Variants in CDKAL1 observed in about 807,000 individuals in gnomAD.
The protein encoded by CDKAL1 is threonylcarbamoyladenosine tRNA methylthiotransferase.
CDKAL1 carries 32 observed loss-of-function variants against 68.2 expected under a neutral mutation model. The observed-to-expected ratio is 0.47, with a 90% CI of 0.35 to 0.63. CDKAL1 has a LOEUF of 0.63. Among genes scored for constraint, CDKAL1 ranks in the 30% least tolerant of loss-of-function variants. CDKAL1 has a pLI of 0.00. For synonymous variants in CDKAL1, 234 were observed against 244.3 expected, an observed-to-expected ratio of 0.96 and a Z score of 0.39; for missense variants, 606 against 696.7, an observed-to-expected ratio of 0.87 and a Z score of 1.47.
intron 9 of CDKAL1, among the ~76,000 whole-genome samples, chr6:20,896,788 G>A (rs1561866232): frequency 6.6e-6 from 1 of 152,196 alleles, no homozygotes; most frequent in Non-Finnish European, 1.5e-5. Flanking sequence ...AGGGATCACC[G>A]AGATGAAAGC....
chr6:21,232,018 T>G lies in CDKAL1; in HGVS notation c.*979T>G, dbSNP rs1462666968. On this transcript the variant is annotated 3_prime_UTR_variant, in exon 16 of 16. Transcript: ENST00000274695. ...TTTTTTTTTTGTTTTTGTTTTTTTT[T>G]TTTTTTGAGTCAAGGTCTCACTCTG... is the stretch of plus-strand genomic sequence containing the variant. 1 of 148,636 alleles carries G rather than the reference T, an allele frequency of 6.7e-6. No individual in the cohort carries two copies. Among genetic ancestry groups the G allele is most frequent in the Non-Finnish European group, 1.5e-5 (1 of 67,104 alleles). 9.2% of individuals were successfully genotyped at this position (148,636 alleles called of 1,614,324 possible).
chr6:21,001,003 A>C (rs1054802793), intron 11 of CDKAL1, among the ~76,000 whole-genome samples: 1 of 152,256 alleles, frequency 6.6e-6, no homozygotes, highest in African/African-American at 2.4e-5. Context: ...TGTTCTTCAA[A>C]ACCCTGCTCC....
At chr6:20,881,733 A>G (rs964938241) in intron 9 of CDKAL1, among the ~76,000 whole-genome samples, 2 of 151,308 alleles carry the variant, frequency 1.3e-5, no homozygotes, top group Admixed American at 1.3e-4. Flanking sequence ...TCCTTTTTTT[A>G]TTATGGTTGT....
At chr6:20,805,127 G>T (rs994721830) in intron 8 of CDKAL1, among the ~76,000 whole-genome samples, 15 of 152,198 alleles carry the variant, frequency 9.9e-5, no homozygotes, top group African/African-American at 3.6e-4. Context: ...TTCACTGCTG[G>T]ATGGACTGTG....
intron 11 of CDKAL1, among the ~76,000 whole-genome samples, chr6:21,061,581 C>A (rs1001158071): frequency 3.9e-5 from 6 of 151,960 alleles, no homozygotes; most frequent in Admixed American, 3.9e-4. Context: ...CTGTTTTATA[C>A]CCCTTATAAT....
chr6:21,074,289 T>A (rs1259328500), intron 12 of CDKAL1, among the ~76,000 whole-genome samples: 169 of 152,318 alleles, frequency 1.1e-3, no homozygotes, highest in African/African-American at 3.1e-3. Flanking sequence ...GACTTTATTG[T>A]CACAAGGTGT....
intron 9 of CDKAL1, among the ~76,000 whole-genome samples, chr6:20,877,402 G>A (rs1760575912): frequency 1.3e-5 from 2 of 152,140 alleles, no homozygotes; most frequent in Non-Finnish European, 2.9e-5. Flanking sequence ...TCCTCACTTT[G>A]TCCAAACTTG....
intron 11 of CDKAL1, among the ~76,000 whole-genome samples, chr6:21,017,781 C>T (rs1768424702): frequency 6.6e-6 from 1 of 152,258 alleles, no homozygotes; most frequent in African/African-American, 2.4e-5. Context: ...AACCTTTACA[C>T]AGCCTTGGTA....
chr6:21,179,397 T>G (rs901276321), intron 13 of CDKAL1, among the ~76,000 whole-genome samples: 1 of 152,212 alleles, frequency 6.6e-6, no homozygotes, highest in Non-Finnish European at 1.5e-5. Context: ...CAAAGCCACA[T>G]GCTAATCATG....
At chr6:21,015,957 A>T (rs1043312447) in intron 11 of CDKAL1, among the ~76,000 whole-genome samples, 1 of 151,804 alleles carries the variant, frequency 6.6e-6, no homozygotes, top group Non-Finnish European at 1.5e-5. Flanking sequence ...CAAAAAAAAA[A>T]AAAAAAGAAA....
intron 4 of CDKAL1, among the ~76,000 whole-genome samples, chr6:20,591,845 G>A (rs1765605945): frequency 6.6e-6 from 1 of 152,100 alleles, no homozygotes; most frequent in Non-Finnish European, 1.5e-5. Context: ...GTTTGTCTTG[G>A]CTATACGGGC....
chr6:20,823,111 G>C (rs1561807152), intron 8 of CDKAL1, among the ~76,000 whole-genome samples: 1 of 152,034 alleles, frequency 6.6e-6, no homozygotes, highest in Non-Finnish European at 1.5e-5. Flanking sequence ...TACGACAGTT[G>C]ATGTCCGTCC....
chr6:21,055,794 C>T (rs1017885904), intron 11 of CDKAL1, among the ~76,000 whole-genome samples: 3 of 152,066 alleles, frequency 2.0e-5, no homozygotes, highest in South Asian at 2.1e-4. Context: ...GGGTTGATTC[C>T]ATGTCTTTGC....
At chr6:20,600,804 A>G (rs1463062496) in intron 4 of CDKAL1, among the ~76,000 whole-genome samples, 1 of 150,064 alleles carries the variant, frequency 6.7e-6, no homozygotes. Context: ...ACACACATGA[A>G]TGATAAATTA....
intron 4 of CDKAL1, among the ~76,000 whole-genome samples, chr6:20,617,702 A>G (rs538558806): frequency 2.0e-5 from 3 of 152,248 alleles, no homozygotes; most frequent in African/African-American, 7.2e-5. Context: ...TTTGCTTAGA[A>G]TGATGGTTTC....
chr6:20,809,084 A>G (rs1274559996), intron 8 of CDKAL1, among the ~76,000 whole-genome samples: 1 of 152,250 alleles, frequency 6.6e-6, no homozygotes, highest in Admixed American at 6.5e-5. Context: ...TCAGAGGGAA[A>G]GCAAAAACTT....
chr6:20,846,312 T>G, intron 9 of CDKAL1, 134 bp downstream of exon 9: 3 of 588,460 alleles, frequency 5.1e-6, no homozygotes, highest in Middle Eastern at 9.1e-4. Context: ...ACTTAATTAA[T>G]AAAAGATGTG....
intron 10 of CDKAL1, among the ~76,000 whole-genome samples, chr6:20,989,571 A>T (rs1368790375): frequency 6.6e-6 from 1 of 152,226 alleles, no homozygotes; most frequent in East Asian, 1.9e-4. Flanking sequence ...AAGCCAATAA[A>T]ACTCTCTGAG....
At chr6:20,847,141 C>T (rs1404130527) in intron 9 of CDKAL1, among the ~76,000 whole-genome samples, 1 of 152,118 alleles carries the variant, frequency 6.6e-6, no homozygotes, top group Admixed American at 6.6e-5. Flanking sequence ...TTTATTGATG[C>T]CTCCCAACAG....
Sources: gnomAD v4.1 joint callset for allele counts (sites outside exome capture counted in the v4.1 genomes callset) on GRCh38, gnomAD v4.1.1 for gene constraint, MANE v1.5 for transcripts, NCBI Gene and HGNC (gene_info 2026-07-23, HGNC 2026-07-21) for gene names.